Variants in MED13 observed in about 807,000 individuals in gnomAD.
MED13 encodes the protein mediator of RNA polymerase II transcription subunit 13.
In MED13, 23 loss-of-function variants were observed where a neutral mutation model predicts 225.2. That is an observed-to-expected ratio of 0.10 (90% CI 0.07 to 0.14). The LOEUF (loss-of-function observed/expected upper bound fraction) is 0.14, where lower values mean the gene tolerates loss of function less well. MED13 is among the 10% of genes least tolerant of loss of function. The pLI is 1.00. For missense variants in MED13, 2,197 were observed against 2,594.5 expected, an observed-to-expected ratio of 0.85 and a Z score of 3.33; for synonymous variants, 942 against 889.2, an observed-to-expected ratio of 1.06 and a Z score of -1.06.
At chr17:62,046,303 T>TA (rs34776606) in intron 3 of MED13, among the ~76,000 whole-genome samples, 1 of 152,176 alleles carries the variant, frequency 6.6e-6, no homozygotes, top group Admixed American at 6.5e-5. Context: ...AAAGTTCCTG[T>TA]AAAAAAGAGA....
intron 21 of MED13, among the ~76,000 whole-genome samples, chr17:61,962,271 C>CGAGA (rs1454773895): frequency 4.0e-5 from 6 of 151,864 alleles, no homozygotes; most frequent in African/African-American, 1.5e-4. Context: ...GGCGACAGAG[C>CGAGA]GAGACTCTGT....
At chr17:61,980,224 G>A (rs2080192407) in intron 16 of MED13, among the ~76,000 whole-genome samples, 1 of 151,904 alleles carries the variant, frequency 6.6e-6, no homozygotes, top group South Asian at 2.1e-4. Context: ...CCCTATACCT[G>A]ATTTCTAGGA....
Position 61,956,500 on chromosome 17 carries a change from G to A in MED13, c.5481-19C>T, listed in dbSNP as rs79769918. The A allele has an allele frequency of 8.9e-3, 14,138 of 1,588,280 alleles. 95 individuals carry two copies. The highest frequency in any genetic ancestry group is 0.014 in the South Asian group (1,177 of 86,050). On this transcript the variant is annotated intron_variant, in intron 23 of 29. Transcript: ENST00000397786. ...ACGAGCCCTATTGTGTGAATAAAGA[G>A]AGTGTCATAAATATTTCTAAAATTT... is the stretch of plus-strand genomic sequence containing the variant.
intron 8 of MED13, among the ~76,000 whole-genome samples, chr17:62,021,237 G>C (rs1236691331): frequency 2.8e-4 from 40 of 145,248 alleles, no homozygotes; most frequent in African/African-American, 6.3e-4. Flanking sequence ...GCCGGGCAGA[G>C]GGGCTCCTCA....
intron 8 of MED13, among the ~76,000 whole-genome samples, chr17:62,021,725 T>C (rs908382232): frequency 1.4e-4 from 21 of 152,242 alleles, no homozygotes; most frequent in Non-Finnish European, 2.8e-4. Context: ...ACCAACATTT[T>C]CTATATGCAA....
chr17:62,010,841 T>C lies in MED13; in HGVS notation c.1676A>G (p.His559Arg). 1.2e-6 allele frequency: 2 copies of C among 1,614,244 alleles called. No homozygotes were observed. Among genetic ancestry groups the C allele is most frequent in the Non-Finnish European group, 1.7e-6 (2 of 1,180,050 alleles). Residue 559 changes from histidine (H) to arginine (R), a missense_variant, in exon 9 of 30, where the codon CAT (histidine) becomes CGT (arginine). Physicochemically the swap from His to Arg is conservative, Grantham distance 29 (BLOSUM62 0). Transcript: ENST00000397786. The stretch of plus-strand genomic sequence containing the variant: ...ATCTGGTGTTGGCATTTGATAAAAA[T>C]GTTGACTCTGAGGAGTTGAAGGTGT... Reference protein sequence around the residue: ...TKTPSTPQSQHFYQMPTPDPL... With the variant: ...TKTPSTPQSQRFYQMPTPDPL...
intron 27 of MED13, 96 bp from the exon 28 acceptor site, chr17:61,951,094 C>A: frequency 1.1e-6 from 1 of 887,830 alleles, no homozygotes; most frequent in Non-Finnish European, 1.6e-6. Context: ...GTCTCATTAT[C>A]TTATGACATC....
intron 16 of MED13, among the ~76,000 whole-genome samples, chr17:61,981,089 C>A (rs1000067333): frequency 1.6e-4 from 25 of 151,766 alleles, no homozygotes; most frequent in African/African-American, 6.1e-4. Context: ...GTAGTGCGAT[C>A]TTGGCTCACT....
intron 9 of MED13, among the ~76,000 whole-genome samples, chr17:62,001,773 C>T (rs1003761204): frequency 6.6e-6 from 1 of 152,290 alleles, no homozygotes. Context: ...CATTAGACTA[C>T]AATTTCATTT....
chr17:62,056,741 A>G (rs1011996244), intron 2 of MED13, among the ~76,000 whole-genome samples: 2 of 152,224 alleles, frequency 1.3e-5, no homozygotes, highest in Admixed American at 6.5e-5. Flanking sequence ...AGTGAGACAA[A>G]GTGTGACCTC....
At chr17:61,967,983 C>G in intron 18 of MED13, 52 bp downstream of exon 18, 3 of 1,405,430 alleles carry the variant, frequency 2.1e-6, no homozygotes, top group Non-Finnish European at 3.0e-6. Flanking sequence ...GTATATACAA[C>G]AATACAAATC....
intron 3 of MED13, among the ~76,000 whole-genome samples, chr17:62,036,458 G>A (rs1362326267): frequency 6.6e-6 from 1 of 152,150 alleles, no homozygotes; most frequent in Non-Finnish European, 1.5e-5. Context: ...AAGTTGCGCA[G>A]AGGAGGATAA....
intron 9 of MED13, chr17:62,003,848 C>G (rs1259569621): frequency 1.3e-5 from 2 of 152,148 alleles, no homozygotes; most frequent in Non-Finnish European, 2.9e-5. Flanking sequence ...CTTTTCTACA[C>G]TATGCTTCCT....
At chr17:61,953,205 C>G in intron 26 of MED13, 92 bp from the exon 27 acceptor site, 1 of 1,317,830 alleles carries the variant, frequency 7.6e-7, no homozygotes, top group Non-Finnish European at 1.0e-6. Context: ...AAATTTTAAC[C>G]AAAATGGGTT....
intron 23 of MED13, 88 bp from the exon 24 acceptor site, chr17:61,956,569 C>T: frequency 1.5e-6 from 2 of 1,342,248 alleles, no homozygotes; most frequent in East Asian, 4.8e-5. Flanking sequence ...GAGTCTCACT[C>T]TGTCACCCAG....
chr17:61,971,783 A>C (rs1490770933), intron 17 of MED13, among the ~76,000 whole-genome samples: 1 of 152,032 alleles, frequency 6.6e-6, no homozygotes, highest in African/African-American at 2.4e-5. Context: ...AAAGTAAAAA[A>C]ATGAGCCGGG....
chr17:62,026,821 T>G (rs1166711387), intron 8 of MED13, among the ~76,000 whole-genome samples: 2 of 152,058 alleles, frequency 1.3e-5, no homozygotes, highest in Non-Finnish European at 2.9e-5. Flanking sequence ...AAATCAGAAA[T>G]GCAATCCCAG....
chr17:61,979,938 C>T (rs2080189080), intron 16 of MED13, among the ~76,000 whole-genome samples: 1 of 152,144 alleles, frequency 6.6e-6, no homozygotes, highest in Non-Finnish European at 1.5e-5. Context: ...CCTGTAATCC[C>T]AGCACTTTGG....
chr17:61,965,086 C>T lies in MED13; in HGVS notation c.4764G>A (p.Gln1588=), dbSNP rs1274031140. 1 of 1,614,054 alleles carries T rather than the reference C, an allele frequency of 6.2e-7. No individual in the cohort carries two copies. The highest frequency in any genetic ancestry group is 1.6e-4 in the Middle Eastern group (1 of 6,084). Residue 1588 remains glutamine, a synonymous_variant, in exon 20 of 30, where the codon CAG becomes CAA. Coordinates refer to ENST00000397786, the MANE Select transcript of MED13 (RefSeq NM_005121.3). ...TVQSGQLGGQ[Q]TSALQTAGIS... The stretch of plus-strand genomic sequence containing the variant: ...TCCCAGCTGTCTGTAGAGCTGATGT[C>T]TGTTGCCCTCCTAGCTGACCACTCT...
Sources: gnomAD v4.1 joint callset for allele counts (sites outside exome capture counted in the v4.1 genomes callset) on GRCh38, gnomAD v4.1.1 for gene constraint, MANE v1.5 for transcripts, NCBI Gene and HGNC (gene_info 2026-07-23, HGNC 2026-07-21) for gene names.